NAV1: variants seen among roughly 807,000 people sequenced by gnomAD.
NAV1 encodes the protein pore membrane and/or filament interacting like protein 3.
Under a neutral mutation model 175.2 loss-of-function variants are expected in NAV1, and 18 were observed. The ratio of observed to expected loss-of-function variants is 0.10; its 90% CI spans 0.07 to 0.15. NAV1 has a LOEUF of 0.15. NAV1 is among the 10% of genes least tolerant of loss of function. NAV1 has a pLI of 1.00. For missense variants in NAV1, 1,731 were observed against 2,436.6 expected (o/e 0.71, Z 6.10); for synonymous variants, 897 against 978.7 (o/e 0.92, Z 1.56).
At chr1:201,670,713 AATGCTGGTAGAG>A (rs761591482) in intron 1 of NAV1, among the ~76,000 whole-genome samples, 2 of 149,482 alleles carry the variant, frequency 1.3e-5, no homozygotes, top group Non-Finnish European at 3.0e-5. Context: ...GTGTCTCGGT[AATGCTGGTAGAG>A]ATGATGGTGA....
intron 3 of NAV1, among the ~76,000 whole-genome samples, chr1:201,770,473 G>A: frequency 6.6e-6 from 1 of 152,206 alleles, no homozygotes; most frequent in East Asian, 1.9e-4. Context: ...ATCGTATAGT[G>A]TCCTACACTA....
chr1:201,655,449 G>A (rs540035468), intron 1 of NAV1, among the ~76,000 whole-genome samples: 158 of 152,354 alleles, frequency 1.0e-3, no homozygotes, highest in African/African-American at 3.7e-3. Flanking sequence ...AGGAAGGGCC[G>A]GGTGGGGAGG....
chr1:201,779,039 G>A (rs894117457), intron 3 of NAV1, among the ~76,000 whole-genome samples: 4 of 152,152 alleles, frequency 2.6e-5, no homozygotes, highest in Non-Finnish European at 5.9e-5. Flanking sequence ...CTGAACTTCC[G>A]TGTTCAGTTT....
intron 3 of NAV1, among the ~76,000 whole-genome samples, chr1:201,769,828 A>T (rs1012942066): frequency 1.3e-5 from 2 of 152,236 alleles, no homozygotes; most frequent in African/African-American, 4.8e-5. Flanking sequence ...CTCCACTCTC[A>T]GAAGAGAAAG....
At chr1:201,628,003 G>C (rs1668383375) in intron 1 of NAV1, among the ~76,000 whole-genome samples, 1 of 151,980 alleles carries the variant, frequency 6.6e-6, no homozygotes, top group Non-Finnish European at 1.5e-5. Context: ...GCTAGGCGTG[G>C]TAGCTTGAGC....
In NAV1 at chr1:201,601,985, C is replaced by G. The variant is rs529348193; in HGVS notation, c.-33+13336C>G. The stretch of plus-strand genomic sequence containing the variant: ...GCCAGCTCAGGTTATCAGCTGCCCC[C>G]TCTCTGGAGCACCTCAGGATGGGTT... On this transcript the variant is annotated intron_variant, in intron 2 of 33. Coordinates refer to the NAV1 transcript ENST00000685211. Among the ~76,000 whole-genome samples, 327 of 152,292 alleles carry G rather than the reference C, an allele frequency of 2.1e-3. 2 individuals carry two copies. The highest frequency in any genetic ancestry group is 6.7e-3 in the African/African-American group (280 of 41,566).
chr1:201,658,821 G>A (rs1308463930), intron 1 of NAV1, among the ~76,000 whole-genome samples: 2 of 152,220 alleles, frequency 1.3e-5, no homozygotes, highest in African/African-American at 2.4e-5. Context: ...TGCAGCCTAT[G>A]CAGTGCCCAC....
chr1:201,571,628 C>T (rs1242226480), intron 1 of NAV1, among the ~76,000 whole-genome samples: 1 of 152,226 alleles, frequency 6.6e-6, no homozygotes, highest in Non-Finnish European at 1.5e-5. Context: ...ACTGCAAGGG[C>T]CCCTTCAATT....
At chr1:201,796,162 T>C (rs1024889971) in intron 15 of NAV1, 1 of 152,200 alleles carries the variant, frequency 6.6e-6, no homozygotes, top group Non-Finnish European at 1.5e-5. Context: ...TGTGGACATA[T>C]GTTTTTTGTT....
intron 1 of NAV1, among the ~76,000 whole-genome samples, chr1:201,624,858 T>A (rs1421914074): frequency 6.6e-6 from 1 of 152,156 alleles, no homozygotes; most frequent in African/African-American, 2.4e-5. Flanking sequence ...AGCTTGTACA[T>A]CATCCCTTAC....
At chr1:201,656,600 A>G (rs1414068317) in intron 1 of NAV1, among the ~76,000 whole-genome samples, 2 of 152,208 alleles carry the variant, frequency 1.3e-5, no homozygotes, top group African/African-American at 2.4e-5. Flanking sequence ...TGTATGGCAC[A>G]TGGCACAAAC....
At chr1:201,699,705 A>G (rs1490083695) in intron 1 of NAV1, among the ~76,000 whole-genome samples, 3 of 152,266 alleles carry the variant, frequency 2.0e-5, no homozygotes, top group Non-Finnish European at 2.9e-5. Context: ...ACAAGGCTAC[A>G]GTAACCAAAA....
intron 16 of NAV1, 132 bp downstream of exon 20, chr1:201,803,846 C>A: frequency 1.7e-6 from 2 of 1,167,384 alleles, no homozygotes; most frequent in Non-Finnish European, 1.2e-6. Flanking sequence ...AGTGTGATGT[C>A]CGCTCAGAGC....
chr1:201,659,950 G>A (rs936885504), intron 1 of NAV1, among the ~76,000 whole-genome samples: 5 of 152,212 alleles, frequency 3.3e-5, no homozygotes, highest in African/African-American at 1.2e-4. Flanking sequence ...GAGTGAGAAT[G>A]TTTTGCCATA....
exon 30 of NAV1, chr1:201,820,887 G>A (rs574983724): frequency 6.6e-6 from 1 of 151,188 alleles, no homozygotes; most frequent in South Asian, 2.1e-4. Flanking sequence ...TTTTCCAGGG[G>A]CTAGTTTGGC....
chr1:201,617,537 G>A (rs902326176), intron 2 of NAV1, among the ~76,000 whole-genome samples: 1 of 152,178 alleles, frequency 6.6e-6, no homozygotes, highest in African/African-American at 2.4e-5. Context: ...ACCAGCCAGG[G>A]AAACATAGCA....
chr1:201,699,355 A>T (rs1261970910), intron 1 of NAV1, among the ~76,000 whole-genome samples: 1 of 152,198 alleles, frequency 6.6e-6, no homozygotes, highest in Non-Finnish European at 1.5e-5. Flanking sequence ...TTCAAAGAGA[A>T]TAAAATACCT....
chr1:201,693,109 AT>A (rs939917441), intron 1 of NAV1, among the ~76,000 whole-genome samples: 18 of 152,162 alleles, frequency 1.2e-4, no homozygotes, highest in Non-Finnish European at 1.2e-4. Context: ...CCATCTGACT[AT>A]GTGCCCAGGG....
At chr1:201,736,915 G>A (rs959393646) in intron 3 of NAV1, among the ~76,000 whole-genome samples, 1 of 151,450 alleles carries the variant, frequency 6.6e-6, no homozygotes, top group Non-Finnish European at 1.5e-5. Flanking sequence ...GTGTCCCTCC[G>A]CTGCCCCCCA....
Sources: allele counts gnomAD v4.1 joint callset (sites outside exome capture counted in the v4.1 genomes callset), GRCh38; gene constraint gnomAD v4.1.1; transcripts MANE v1.5; gene names NCBI Gene and HGNC (gene_info 2026-07-23, HGNC 2026-07-21).